BMPR1A: variants seen among roughly 807,000 people sequenced by gnomAD.
BMPR1A encodes the protein bone morphogenetic protein receptor type-1A.
Under a neutral mutation model 66.0 loss-of-function variants are expected in BMPR1A, and 7 were observed. The observed-to-expected ratio is 0.11, with a 90% CI of 0.06 to 0.20. The LOEUF (loss-of-function observed/expected upper bound fraction) is 0.20. Among genes scored for constraint, BMPR1A ranks in the 10% least tolerant of loss-of-function variants. The pLI is 1.00. For missense variants in BMPR1A, 408 were observed against 669.1 expected (o/e 0.61, Z 4.31); for synonymous variants, 200 against 229.7 (o/e 0.87, Z 1.17).
chr10:86,800,640 G>A (rs1252285647), intron 1 of BMPR1A, among the ~76,000 whole-genome samples: 2 of 152,098 alleles, frequency 1.3e-5, no homozygotes, highest in East Asian at 1.9e-4. Flanking sequence ...TGATCCACCC[G>A]CCTCGGCCTC....
chr10:86,830,849 T>G (rs1842258490), intron 1 of BMPR1A, among the ~76,000 whole-genome samples: 1 of 152,200 alleles, frequency 6.6e-6, no homozygotes, highest in Non-Finnish European at 1.5e-5. Context: ...TATCGTGTTT[T>G]TTTTTCTTTC....
intron 1 of BMPR1A, among the ~76,000 whole-genome samples, chr10:86,795,726 T>A (rs947437493): frequency 2.0e-5 from 3 of 152,172 alleles, no homozygotes; most frequent in African/African-American, 7.2e-5. Context: ...TCTTAAAAGT[T>A]GCTACTTATT....
intron 8 of BMPR1A, among the ~76,000 whole-genome samples, chr10:86,913,883 A>C (rs1451269868): frequency 1.3e-5 from 2 of 152,214 alleles, no homozygotes; most frequent in African/African-American, 2.4e-5. Flanking sequence ...AATCAGAGCA[A>C]ACTTTTATAG....
chr10:86,830,914 C>T (rs930994373), intron 1 of BMPR1A, among the ~76,000 whole-genome samples: 12 of 152,088 alleles, frequency 7.9e-5, no homozygotes, highest in Non-Finnish European at 1.3e-4. Flanking sequence ...TCTCCAGCCC[C>T]AGACGGCCAC....
At chr10:86,795,350 C>G (rs185311710) in intron 1 of BMPR1A, among the ~76,000 whole-genome samples, 136 of 151,876 alleles carry the variant, frequency 9.0e-4, no homozygotes, top group African/African-American at 2.2e-3. Context: ...ATTGGCTTGT[C>G]TAAGTACTCA....
At chr10:86,827,898 A>G (rs537844835) in intron 1 of BMPR1A, among the ~76,000 whole-genome samples, 1 of 152,330 alleles carries the variant, frequency 6.6e-6, no homozygotes, top group African/African-American at 2.4e-5. Context: ...TTACACCTAT[A>G]ATCCCAGCAC....
chr10:86,830,356 CCTGG>C, intron 1 of BMPR1A, among the ~76,000 whole-genome samples: 1 of 152,164 alleles, frequency 6.6e-6, no homozygotes, highest in Non-Finnish European at 1.5e-5. Context: ...AGTTCAGGAG[CCTGG>C]CTCATTTGGT....
chr10:86,799,512 T>TCCTTCC (rs747064378), intron 1 of BMPR1A, among the ~76,000 whole-genome samples: 4 of 59,484 alleles, frequency 6.7e-5, no homozygotes, highest in Admixed American at 1.6e-4. Flanking sequence ...CTTCCTTTCT[T>TCCTTCC]TTCTTTTCTT....
chr10:86,899,084 C>CA (rs1843269477), intron 5 of BMPR1A, among the ~76,000 whole-genome samples: 1 of 152,218 alleles, frequency 6.6e-6, no homozygotes, highest in Non-Finnish European at 1.5e-5. Flanking sequence ...TGTGTAGTGA[C>CA]AAACAGTTCT....
intron 7 of BMPR1A, among the ~76,000 whole-genome samples, chr10:86,903,105 A>G (rs931942137): frequency 4.6e-5 from 7 of 152,310 alleles, no homozygotes; most frequent in Non-Finnish European, 7.4e-5. Flanking sequence ...ATTTATAGGA[A>G]TATAAAAATA....
rs1564685597 is a variant in BMPR1A, at chr10:86,790,217, ATATATATATATATATAT to A, written c.-268+33299_-268+33315del. Among the ~76,000 whole-genome samples, 128 of 88,430 alleles carry A rather than the reference ATATATATATATATATAT, an allele frequency of 1.4e-3. 28 individuals are homozygous for A. Among genetic ancestry groups the A allele is most frequent in the East Asian group, 5.4e-3 (14 of 2,594 alleles). The allele number at this position is 88,430 out of a possible 152,430, so 58.0% of individuals were successfully genotyped here. ...TATATATATATATATATATATATAT[ATATATATATATATATAT>A]ATCAAAACCACAATGAGATTCTGCT... On this transcript the variant is annotated intron_variant, in intron 1 of 12. Coordinates refer to ENST00000372037, the MANE Select transcript of BMPR1A (RefSeq NM_004329.3).
intron 2 of BMPR1A, among the ~76,000 whole-genome samples, chr10:86,872,283 T>A (rs1842863180): frequency 6.6e-6 from 1 of 152,244 alleles, no homozygotes; most frequent in African/African-American, 2.4e-5. Context: ...AACTTCTATT[T>A]AGCACCTACT....
intron 2 of BMPR1A, 40 bp from the exon 3 acceptor site, chr10:86,875,827 C>T (rs1463468740): frequency 3.3e-6 from 2 of 597,820 alleles, no homozygotes; most frequent in South Asian, 2.1e-5. Context: ...TTCCAAAATT[C>T]AGTTGTATTC....
chr10:86,903,385 T>G (rs1843338611), intron 7 of BMPR1A, among the ~76,000 whole-genome samples: 1 of 152,000 alleles, frequency 6.6e-6, no homozygotes, highest in African/African-American at 2.4e-5. Flanking sequence ...ATCTATAATA[T>G]CTCAGATGAA....
rs763313220 is a variant in BMPR1A at position 86,892,118 on chromosome 10, C to G, written c.231-9C>G. On this transcript the variant is annotated splice_polypyrimidine_tract_variant and intron_variant, in intron 4 of 12. Transcript: ENST00000372037. ...ATGTTTTGTTTTGTTTTGTTTTTTT[C>G]TGTTTTAGAACTAATGGACATTGCT... The G allele has an allele frequency of 6.2e-7, 1 of 1,605,124 alleles. No homozygotes were observed. The highest frequency in any genetic ancestry group is 1.1e-5 in the South Asian group (1 of 90,904).
At chr10:86,888,311 C>T (rs1843098252) in intron 3 of BMPR1A, among the ~76,000 whole-genome samples, 1 of 151,624 alleles carries the variant, frequency 6.6e-6, no homozygotes, top group Non-Finnish European at 1.5e-5. Flanking sequence ...CAACAAAATA[C>T]AAAAAAATTA....
intron 3 of BMPR1A, among the ~76,000 whole-genome samples, chr10:86,887,570 T>C (rs536290268): frequency 2.0e-5 from 3 of 152,234 alleles, no homozygotes; most frequent in Non-Finnish European, 4.4e-5. Context: ...CCATTTTCTA[T>C]AGATAGCTGA....
chr10:86,785,383 G>A (rs527315705), intron 1 of BMPR1A, among the ~76,000 whole-genome samples: 46 of 152,294 alleles, frequency 3.0e-4, no homozygotes, highest in Non-Finnish European at 5.1e-4. Context: ...TCAGCCCACC[G>A]CAATCTGCGC....
chr10:86,799,896 AAG>A (rs1491173095), intron 1 of BMPR1A, among the ~76,000 whole-genome samples: 1 of 152,178 alleles, frequency 6.6e-6, no homozygotes, highest in East Asian at 1.9e-4. Flanking sequence ...TACTTTTTAA[AAG>A]AGAGATGTTT....
Sources: allele counts gnomAD v4.1 joint callset (sites outside exome capture counted in the v4.1 genomes callset), GRCh38; gene constraint gnomAD v4.1.1; transcripts MANE v1.5; gene names NCBI Gene and HGNC (gene_info 2026-07-23, HGNC 2026-07-21).